The following KCNIP1 variants were observed in gnomAD, a reference collection of about 807,000 sequenced individuals.
The protein encoded by KCNIP1 is A-type potassium channel modulatory protein KCNIP1.
Under a neutral mutation model 33.0 loss-of-function variants are expected in KCNIP1, and 18 were observed. The ratio of observed to expected loss-of-function variants is 0.55; its 90% CI spans 0.38 to 0.81. The LOEUF (loss-of-function observed/expected upper bound fraction) is 0.81, where lower values mean the gene tolerates loss of function less well. Among genes scored for constraint, KCNIP1 ranks in the 30% least tolerant of loss-of-function variants. KCNIP1 has a pLI of 0.00. For synonymous variants in KCNIP1, 93 were observed against 98.3 expected, an observed-to-expected ratio of 0.95 and a Z score of 0.32; for missense variants, 238 against 271.6, an observed-to-expected ratio of 0.88 and a Z score of 0.87.
rs145199273 is a variant in KCNIP1, at chr5:170,386,680, T to C, written c.88+32716T>C. On this transcript the variant is annotated intron_variant, in intron 1 of 7. Coordinates refer to the KCNIP1 transcript ENST00000377360. ...AGGAGAGGCAGGAGGTTTACCATAT[T>C]CCGGTGTTTTTTTTTTTTGTAAGGA... Among the ~76,000 whole-genome samples the C allele has an allele frequency of 7.6e-3, 1,130 of 149,382 alleles. 9 individuals are homozygous for C. Among genetic ancestry groups the C allele is most frequent in the African/African-American group, 0.027 (1,089 of 40,732 alleles).
At chr5:170,637,576 C>T (rs553051037) in intron 1 of KCNIP1, among the ~76,000 whole-genome samples, 1 of 152,256 alleles carries the variant, frequency 6.6e-6, no homozygotes, top group African/African-American at 2.4e-5. Context: ...ATAAACGTGG[C>T]ACACACACAC....
intron 1 of KCNIP1, among the ~76,000 whole-genome samples, chr5:170,518,398 C>G (rs1170586923): frequency 3.9e-5 from 6 of 152,152 alleles, no homozygotes; most frequent in Admixed American, 2.0e-4. Context: ...TCTCTTATTC[C>G]TGGTTGGTAC....
intron 1 of KCNIP1, among the ~76,000 whole-genome samples, chr5:170,705,435 T>A (rs1220712664): frequency 6.6e-6 from 1 of 152,190 alleles, no homozygotes; most frequent in Non-Finnish European, 1.5e-5. Flanking sequence ...CCCGTAACAG[T>A]GCTCATGGAC....
At chr5:170,683,451 C>CA (rs1581495807) in intron 1 of KCNIP1, among the ~76,000 whole-genome samples, 1 of 152,160 alleles carries the variant, frequency 6.6e-6, no homozygotes, top group African/African-American at 2.4e-5. Context: ...AATCCAGTTC[C>CA]AGATGGGATC....
intron 1 of KCNIP1, among the ~76,000 whole-genome samples, chr5:170,370,447 CT>C (rs1763814514): frequency 1.3e-5 from 2 of 152,280 alleles, no homozygotes; most frequent in South Asian, 4.2e-4. Flanking sequence ...TTTTCCTGAG[CT>C]TTTCTCCCTG....
chr5:170,479,997 C>A (rs1440406003), intron 1 of KCNIP1, among the ~76,000 whole-genome samples: 1 of 152,050 alleles, frequency 6.6e-6, no homozygotes, highest in Non-Finnish European at 1.5e-5. Context: ...TAAATAAAAC[C>A]ATAAGTTTAA....
intron 1 of KCNIP1, among the ~76,000 whole-genome samples, chr5:170,643,553 C>A (rs887899985): frequency 6.6e-6 from 1 of 152,174 alleles, no homozygotes. Context: ...CTCCTGAAAT[C>A]AGGGACCAGA....
intron 1 of KCNIP1, among the ~76,000 whole-genome samples, chr5:170,390,517 A>AAAAATATATATATATATAT: frequency 2.7e-5 from 2 of 74,546 alleles, no homozygotes; most frequent in South Asian, 4.4e-4. Flanking sequence ...AAAAAAAACA[A>AAAAATATATATATATATAT]ATATATATAT....
chr5:170,581,906 G>C (rs1259342710), intron 1 of KCNIP1, among the ~76,000 whole-genome samples: 8 of 151,976 alleles, frequency 5.3e-5, no homozygotes, highest in Non-Finnish European at 1.2e-4. Context: ...AAGTGAAGAG[G>C]AGCTGGATGT....
chr5:170,357,495 T>A (rs1341473762), intron 1 of KCNIP1, among the ~76,000 whole-genome samples: 1 of 152,244 alleles, frequency 6.6e-6, no homozygotes, highest in African/African-American at 2.4e-5. Flanking sequence ...GATCACTTTA[T>A]GAAAGCCTAT....
At chr5:170,685,025 A>C (rs1227606314) in intron 1 of KCNIP1, among the ~76,000 whole-genome samples, 4 of 152,010 alleles carry the variant, frequency 2.6e-5, no homozygotes, top group Non-Finnish European at 5.9e-5. Flanking sequence ...TACACCATCA[A>C]GGTTTATAAT....
At chr5:170,361,991 A>T (rs1344664101) in intron 1 of KCNIP1, among the ~76,000 whole-genome samples, 1 of 152,190 alleles carries the variant, frequency 6.6e-6, no homozygotes, top group Non-Finnish European at 1.5e-5. Flanking sequence ...TCATCTCTAA[A>T]ATGAAGGAGC....
intron 1 of KCNIP1, among the ~76,000 whole-genome samples, chr5:170,607,700 T>G (rs555690139): frequency 6.6e-6 from 1 of 152,290 alleles, no homozygotes; most frequent in Non-Finnish European, 1.5e-5. Context: ...TTTGCCCAGA[T>G]AGACTATTCA....
At chr5:170,460,596 A>T (rs1016661341) in intron 1 of KCNIP1, among the ~76,000 whole-genome samples, 2 of 152,226 alleles carry the variant, frequency 1.3e-5, no homozygotes, top group African/African-American at 4.8e-5. Flanking sequence ...AAATCACAGG[A>T]TCATCTCAAT....
chr5:170,697,672 G>A (rs572041052), intron 1 of KCNIP1, among the ~76,000 whole-genome samples: 111 of 152,282 alleles, frequency 7.3e-4, no homozygotes, highest in Non-Finnish European at 1.3e-3. Context: ...AGCTCCTCGA[G>A]GATGCCACTG....
In KCNIP1 at chr5:170,680,142, C is replaced by A. The variant is rs139958406; in HGVS notation, c.62-38616C>A. ...CACTTTACACAGGTTCTCTTATTTGCGTTAAGTTTATTTAAGAAGAGGAAA... is the reference window on the plus strand; with the variant it reads ...CACTTTACACAGGTTCTCTTATTTGAGTTAAGTTTATTTAAGAAGAGGAAA... On this transcript the variant is annotated intron_variant, in intron 1 of 7. Transcript: ENST00000328939. Among the ~76,000 whole-genome samples, 958 of 152,216 alleles carry A rather than the reference C, an allele frequency of 6.3e-3. 5 individuals carry two copies. Among genetic ancestry groups the A allele is most frequent in the South Asian group, 0.031 (150 of 4,826 alleles).
chr5:170,579,394 G>A (rs1028138221), intron 1 of KCNIP1, among the ~76,000 whole-genome samples: 3 of 152,086 alleles, frequency 2.0e-5, no homozygotes, highest in Admixed American at 6.5e-5. Context: ...ATCTATGTAC[G>A]ACACTTAGAG....
intron 1 of KCNIP1, among the ~76,000 whole-genome samples, chr5:170,414,260 GA>G (rs1755270279): frequency 6.6e-6 from 1 of 152,202 alleles, no homozygotes; most frequent in African/African-American, 2.4e-5. Flanking sequence ...AGCTTTTTAG[GA>G]AAAAGTCTAT....
chr5:170,440,969 G>A (rs1205522545), intron 1 of KCNIP1, among the ~76,000 whole-genome samples: 5 of 152,166 alleles, frequency 3.3e-5, no homozygotes, highest in Non-Finnish European at 7.4e-5. Flanking sequence ...TGCCGTCTGA[G>A]CTCCTCCCTT....
Sources: allele counts gnomAD v4.1 joint callset (sites outside exome capture counted in the v4.1 genomes callset), GRCh38; gene constraint gnomAD v4.1.1; transcripts MANE v1.5; gene names NCBI Gene and HGNC (gene_info 2026-07-23, HGNC 2026-07-21).